PTPRD: variants seen among roughly 807,000 people sequenced by gnomAD.
PTPRD encodes the protein protein tyrosine phosphatase receptor type D, also known as receptor-type tyrosine-protein phosphatase delta.
Under a neutral mutation model 214.5 loss-of-function variants are expected in PTPRD, and 34 were observed. That is an observed-to-expected ratio of 0.16 (90% confidence interval 0.12 to 0.21). The LOEUF is 0.21. Among genes scored for constraint, PTPRD ranks in the 10% least tolerant of loss-of-function variants. The pLI is 1.00. For synonymous variants in PTPRD, 1,128 were observed against 845.7 expected (o/e 1.33, Z -5.79); for missense variants, 2,545 against 2,398.7 (o/e 1.06, Z -1.27).
chr9:10,277,078 T>C (rs2094739627), intron 3 of PTPRD, among the ~76,000 whole-genome samples: 1 of 152,172 alleles, frequency 6.6e-6, no homozygotes, highest in Non-Finnish European at 1.5e-5. Context: ...CAAAGACCCC[T>C]GATTCATCAT....
chr9:10,279,969 TCAG>T (rs745776846), intron 3 of PTPRD, among the ~76,000 whole-genome samples: 3 of 152,178 alleles, frequency 2.0e-5, no homozygotes, highest in Non-Finnish European at 4.4e-5. Context: ...TCCTAAATCT[TCAG>T]TTTTTAAAAT....
intron 2 of PTPRD, among the ~76,000 whole-genome samples, chr9:10,511,485 C>G (rs1022033117): frequency 6.6e-6 from 1 of 151,846 alleles, no homozygotes; most frequent in African/African-American, 2.4e-5. Context: ...CTCACTGCAA[C>G]TTCTGCCTCC....
intron 3 of PTPRD, among the ~76,000 whole-genome samples, chr9:10,300,489 C>A (rs757732084): frequency 6.6e-6 from 1 of 152,200 alleles, no homozygotes; most frequent in Admixed American, 6.5e-5. Flanking sequence ...CTCCACCACC[C>A]GGAGCCCAGC....
intron 2 of PTPRD, among the ~76,000 whole-genome samples, chr9:10,466,100 T>G (rs1210996140): frequency 6.6e-6 from 1 of 152,214 alleles, no homozygotes; most frequent in Non-Finnish European, 1.5e-5. Flanking sequence ...TGCCTATGAT[T>G]TGTTGAATGA....
At chr9:10,361,031 G>C (rs983197951) in intron 2 of PTPRD, among the ~76,000 whole-genome samples, 1 of 152,118 alleles carries the variant, frequency 6.6e-6, no homozygotes, top group Non-Finnish European at 1.5e-5. Flanking sequence ...GAACACGGGA[G>C]GCGGAGCTTG....
At chr9:9,831,295 C>A (rs1366785742) in intron 5 of PTPRD, among the ~76,000 whole-genome samples, 1 of 151,946 alleles carries the variant, frequency 6.6e-6, no homozygotes, top group Non-Finnish European at 1.5e-5. Context: ...CTTAAAGCAT[C>A]TCCTATCTCT....
chr9:9,240,966 G>C (rs10118203), intron 9 of PTPRD, among the ~76,000 whole-genome samples: 37,968 of 151,890 alleles, frequency 0.25, 5,376 homozygotes, highest in East Asian at 0.39. Context: ...TTCATAGAAA[G>C]GATAGAAAGA....
intron 2 of PTPRD, among the ~76,000 whole-genome samples, chr9:10,576,395 T>A (rs1229625352): frequency 6.6e-6 from 1 of 152,118 alleles, no homozygotes; most frequent in Non-Finnish European, 1.5e-5. Context: ...TGAGAGAGTT[T>A]AATATGTTAC....
intron 30 of PTPRD, among the ~76,000 whole-genome samples, chr9:8,481,734 C>G (rs1218942068): frequency 6.6e-6 from 1 of 152,102 alleles, no homozygotes; most frequent in Non-Finnish European, 1.5e-5. Flanking sequence ...TTCCACGAAA[C>G]CATTGCTATT....
rs558806007 is a variant in PTPRD at position 8,519,739 on chromosome 9, A to G, written c.962-1310T>C. On this transcript the variant is annotated intron_variant, in intron 20 of 45. Coordinates refer to ENST00000381196, the MANE Select transcript of PTPRD (RefSeq NM_002839.4). ...TCAACCTGTTCTTTTGTTTTGATTT[A>G]TTTTAATTTGCCATTAAGATTCACT... Among the ~76,000 whole-genome samples the G allele has an allele frequency of 8.5e-5, 13 of 152,248 alleles. No individual in the cohort carries two copies. The South Asian group carries it at 2.3e-3, about 27-fold the overall frequency.
At chr9:10,041,324 T>A (rs291276) in intron 3 of PTPRD, among the ~76,000 whole-genome samples, 63,105 of 151,680 alleles carry the variant, frequency 0.42, 15,553 homozygotes, top group African/African-American at 0.67. Flanking sequence ...TGCTAGAAAG[T>A]AAATAAATAG....
At chr9:8,889,303 G>C (rs550004099) in intron 11 of PTPRD, among the ~76,000 whole-genome samples, 2 of 152,078 alleles carry the variant, frequency 1.3e-5, no homozygotes, top group Admixed American at 6.6e-5. Flanking sequence ...GAGAAATTGC[G>C]TAATATGTAT....
chr9:9,346,880 A>G (rs1389457517), intron 9 of PTPRD, among the ~76,000 whole-genome samples: 1 of 151,932 alleles, frequency 6.6e-6, no homozygotes, highest in Non-Finnish European at 1.5e-5. Context: ...TTCAGTGGAG[A>G]TAGGGTTTCA....
At chr9:8,885,867 G>A (rs894317668) in intron 11 of PTPRD, among the ~76,000 whole-genome samples, 4 of 152,098 alleles carry the variant, frequency 2.6e-5, no homozygotes, top group African/African-American at 9.7e-5. Flanking sequence ...TGAACATAGA[G>A]AACATTTTAT....
intron 3 of PTPRD, among the ~76,000 whole-genome samples, chr9:10,234,544 A>G (rs1021828479): frequency 2.0e-5 from 3 of 152,010 alleles, no homozygotes; most frequent in Non-Finnish European, 2.9e-5. Flanking sequence ...GCAGTAAGAA[A>G]TTTAACAACC....
At chr9:10,565,074 T>A (rs2065193963) in intron 2 of PTPRD, among the ~76,000 whole-genome samples, 1 of 152,078 alleles carries the variant, frequency 6.6e-6, no homozygotes, top group African/African-American at 2.4e-5. Context: ...CATGTATTGC[T>A]CATCATTTGC....
intron 12 of PTPRD, among the ~76,000 whole-genome samples, chr9:8,695,119 G>T (rs1342721191): frequency 6.6e-6 from 1 of 152,048 alleles, no homozygotes; most frequent in Non-Finnish European, 1.5e-5. Context: ...TCCTTAGACT[G>T]GTTCCTCTCA....
intron 8 of PTPRD, among the ~76,000 whole-genome samples, chr9:9,422,095 T>A (rs570259256): frequency 6.6e-6 from 1 of 152,248 alleles, no homozygotes; most frequent in South Asian, 2.1e-4. Flanking sequence ...GTAAACATGT[T>A]TTGAGTGTGT....
chr9:9,247,646 A>G (rs1435985326), intron 9 of PTPRD, among the ~76,000 whole-genome samples: 1 of 152,036 alleles, frequency 6.6e-6, no homozygotes, highest in Non-Finnish European at 1.5e-5. Flanking sequence ...CTCCAATACA[A>G]GGCCCGACTC....
Sources: gnomAD v4.1 joint callset for allele counts (sites outside exome capture counted in the v4.1 genomes callset) on GRCh38, gnomAD v4.1.1 for gene constraint, MANE v1.5 for transcripts, NCBI Gene and HGNC (gene_info 2026-07-23, HGNC 2026-07-21) for gene names.